Variants in ELP1 observed in about 807,000 individuals in gnomAD.
ELP1 encodes the protein elongator acetyltransferase complex subunit 1.
ELP1 carries 131 observed loss-of-function variants against 183.2 expected under a neutral mutation model. The ratio of observed to expected loss-of-function variants is 0.72; its 90% CI spans 0.62 to 0.83. The LOEUF is 0.83. Ranked by LOEUF, ELP1 falls within the 40% of genes least tolerant of loss-of-function variation. ELP1 has a pLI of 0.00. For missense variants in ELP1, 1,550 were observed against 1,594.9 expected, an observed-to-expected ratio of 0.97 and a Z score of 0.48; for synonymous variants, 555 against 569.0, an observed-to-expected ratio of 0.98 and a Z score of 0.35.
chr9:108,920,486 TG>T (rs1441864577), intron 6 of ELP1, among the ~76,000 whole-genome samples: 2 of 152,140 alleles, frequency 1.3e-5, no homozygotes, highest in African/African-American at 4.8e-5. Flanking sequence ...TTCACCATGT[TG>T]GACATGCTGG....
rs150123315 is a variant in ELP1, at chr9:108,928,331, A to C, written c.304-878T>G. On this transcript the variant is annotated intron_variant, in intron 3 of 36. Transcript: ENST00000374647. ...GCTGTCTCACGAGGGAGATAAAAGA[A>C]GACCCTACAGAGGATAACAGCAATG... Among the ~76,000 whole-genome samples, 27 of 152,340 alleles carry C rather than the reference A, an allele frequency of 1.8e-4. 1 individual carries two copies. Among genetic ancestry groups the C allele is most frequent in the African/African-American group, 6.5e-4 (27 of 41,578 alleles).
intron 9 of ELP1, among the ~76,000 whole-genome samples, chr9:108,916,589 G>A (rs1008935129): frequency 6.6e-6 from 1 of 151,912 alleles, no homozygotes; most frequent in Admixed American, 6.5e-5. Context: ...AATATGGACT[G>A]GGTGTTAGAC....
rs1185874169 is a variant in ELP1, at chr9:108,894,214, T to G, written c.2737-148A>C. The G allele has an allele frequency of 7.9e-6, 4 of 504,666 alleles. No homozygotes were observed. In the East Asian group the frequency reaches 1.4e-4, roughly 18 times the overall value. 31.3% of individuals were successfully genotyped at this position (504,666 alleles called of 1,614,324 possible). On this transcript the variant is annotated intron_variant, in intron 25 of 36. Transcript: ENST00000374647. ...ACTGCATATTATATAATATATAAAATCAAACTACAGTTGTCCCCCAGTATC... is the reference window on the plus strand; with the variant it reads ...ACTGCATATTATATAATATATAAAAGCAAACTACAGTTGTCCCCCAGTATC...
intron 31 of ELP1, among the ~76,000 whole-genome samples, chr9:108,881,161 A>C (rs1827915161): frequency 6.6e-6 from 1 of 152,192 alleles, no homozygotes. Context: ...ACCTACATAA[A>C]AGTTGTAAGA....
intron 36 of ELP1, among the ~76,000 whole-genome samples, chr9:108,874,641 T>C (rs1827628068): frequency 6.6e-6 from 1 of 152,190 alleles, no homozygotes; most frequent in Non-Finnish European, 1.5e-5. Flanking sequence ...AACAAGCATA[T>C]GCCACATAAA....
Position 108,912,815 on chromosome 9 carries a change from C to T in ELP1, c.959-321G>A, listed in dbSNP as rs537039539. On this transcript the variant is annotated intron_variant, in intron 10 of 36. Transcript: ENST00000374647. ...TGCCGGCCAGGCTGGAGTGCAGTGG[C>T]GCAATCTCGGCTCACTGCAAGCTCC... 8.0e-4 allele frequency among the ~76,000 whole-genome samples: 117 copies of T among 145,964 alleles called. 2 individuals are homozygous for T. Among genetic ancestry groups the T allele is most frequent in the East Asian group, 4.0e-4 (2 of 4,972 alleles).
intron 27 of ELP1, 130 bp from the exon 28 acceptor site, chr9:108,891,534 G>T (rs1828337120): frequency 1.2e-6 from 1 of 814,680 alleles, no homozygotes; most frequent in South Asian, 1.5e-5. Flanking sequence ...TCTTACAGTT[G>T]ATCAGTTAGT....
intron 24 of ELP1, 145 bp from the exon 25 acceptor site, chr9:108,896,789 CTT>C: frequency 9.7e-7 from 1 of 1,031,020 alleles, no homozygotes; most frequent in Non-Finnish European, 1.5e-6. Context: ...TTTATATATG[CTT>C]TAGAGGGCAG....
In ELP1 at chr9:108,931,049, A is replaced by G; in HGVS notation, c.98T>C (p.Val33Ala). Residue 33 changes from valine (V) to alanine (A), a missense_variant, in exon 2 of 37, where the codon GTG (valine) becomes GCG (alanine). Val to Ala is a moderately conservative substitution (Grantham distance 64, BLOSUM62 0). Coordinates refer to ENST00000374647, the MANE Select transcript of ELP1 (RefSeq NM_003640.5). ...CAGGCCATGTTCTGAACCAATGAGC[A>G]CCGTCCCCTGTTCAGTTCGGAGAGA... ...CFSLRTEQGT[V>A]LIGSEHGLIE... 1.2e-6 allele frequency: 2 copies of G among 1,614,120 alleles called. No homozygotes were observed. The highest frequency in any genetic ancestry group is 1.7e-6 in the Non-Finnish European group (2 of 1,179,982).
chr9:108,906,161 A>C (rs568766864), intron 14 of ELP1, 142 bp downstream of exon 14: 1 of 777,040 alleles, frequency 1.3e-6, no homozygotes, highest in East Asian at 2.6e-5. Flanking sequence ...AACTAGACTT[A>C]ACCTTCTTGT....
chr9:108,885,296 AAAG>A (rs1433972181), intron 29 of ELP1, among the ~76,000 whole-genome samples: 1 of 152,132 alleles, frequency 6.6e-6, no homozygotes, highest in African/African-American at 2.4e-5. Flanking sequence ...TAATCAGAAA[AAAG>A]AAGACACATC....
At chr9:108,933,438 G>A (rs559889138) in intron 1 of ELP1, among the ~76,000 whole-genome samples, 1 of 152,326 alleles carries the variant, frequency 6.6e-6, no homozygotes, top group Non-Finnish European at 1.5e-5. Flanking sequence ...GTTAACGGGA[G>A]AGAAAGCCAC....
chr9:108,889,360 G>T lies in ELP1; in HGVS notation c.3194C>A (p.Ala1065Glu). Residue 1065 changes from alanine to glutamate, a missense_variant, in exon 29 of 37, where the codon GCG becomes GAG. Physicochemically the swap from Ala to Glu is moderately radical, Grantham distance 107 (BLOSUM62 -1). Coordinates refer to ENST00000374647, the MANE Select transcript of ELP1 (RefSeq NM_003640.5). ...GGCACACTCTTCCAAAACCATGGCC[G>T]CATCAATGTGCTTCCTCTGCTCAAC... ...KLVEQRKHID[A>E]AMVLEECAQD... is the part of the protein sequence containing the mutation. 6.2e-7 allele frequency: 1 copy of T among 1,614,096 alleles called. No homozygotes were observed. The highest frequency in any genetic ancestry group is 1.3e-5 in the African/African-American group (1 of 75,046).
At position 108,912,344 on chromosome 9, in the gene ELP1, G is replaced by A; in HGVS notation, c.1109C>T (p.Ala370Val). ...GTCAGTCGTCCAGTGCCAATCATAGGCGAGGTAATGCCAGCCCTGACAGAG... is the reference window on the plus strand; with the variant it reads ...GTCAGTCGTCCAGTGCCAATCATAGACGAGGTAATGCCAGCCCTGACAGAG... ...HVLCQGWHYL[A>V]YDWHWTTDRS... The change falls in exon 11 of 37, where the codon GCC becomes GTC. Residue 370 changes from alanine (A) to valine (V), a missense_variant. By Grantham distance (64) the Ala-to-Val change is moderately conservative. Coordinates refer to ENST00000374647, the MANE Select transcript of ELP1 (RefSeq NM_003640.5). 1 of 1,614,162 alleles carries A rather than the reference G, an allele frequency of 6.2e-7. No homozygotes were observed. The highest frequency in any genetic ancestry group is 8.5e-7 in the Non-Finnish European group (1 of 1,180,036).
chr9:108,896,649 C>T lies in ELP1; in HGVS notation c.2588-5G>A, dbSNP rs749793495. 1 of 1,613,604 alleles carries T rather than the reference C, an allele frequency of 6.2e-7. No homozygotes were observed. On this transcript the variant is annotated splice_polypyrimidine_tract_variant and splice_region_variant and intron_variant, in intron 24 of 36. Coordinates refer to ENST00000374647, the MANE Select transcript of ELP1 (RefSeq NM_003640.5). ...CAGGATCAGAGGGAGCATTTCCTAA[C>T]AGTGTTTAGAAAACAAAACAGAACA...
At chr9:108,887,986 C>T (rs1284053560) in intron 29 of ELP1, among the ~76,000 whole-genome samples, 1 of 152,132 alleles carries the variant, frequency 6.6e-6, no homozygotes, top group Non-Finnish European at 1.5e-5. Flanking sequence ...TTCATGGCTG[C>T]GTTATTCATA....
At chr9:108,903,530 C>T (rs1410184405) in intron 15 of ELP1, 33 bp downstream of exon 15, 2 of 1,357,742 alleles carry the variant, frequency 1.5e-6, no homozygotes, top group East Asian at 2.3e-5. Context: ...CTATGTAAGT[C>T]ATAACATGCT....
intron 18 of ELP1, among the ~76,000 whole-genome samples, chr9:108,900,988 G>C (rs949693385): frequency 5.9e-5 from 9 of 151,474 alleles, no homozygotes; most frequent in Non-Finnish European, 1.2e-4. Flanking sequence ...CACACACACA[G>C]AGATAGATAG....
intron 28 of ELP1, 23 bp from the exon 29 acceptor site, chr9:108,889,416 T>C (rs369466905): frequency 5.6e-6 from 9 of 1,610,628 alleles, no homozygotes; most frequent in Admixed American, 3.3e-5. Context: ...TAAGCAGCAG[T>C]TGACTACAAA....
Sources: gnomAD v4.1 joint callset for allele counts (sites outside exome capture counted in the v4.1 genomes callset) on GRCh38, gnomAD v4.1.1 for gene constraint, MANE v1.5 for transcripts, NCBI Gene and HGNC (gene_info 2026-07-23, HGNC 2026-07-21) for gene names.